The following TPRG1 variants were observed in gnomAD, a reference collection of about 807,000 sequenced individuals.
TPRG1 encodes tumor protein p63 regulated 1, also known as tumor protein p63-regulated gene 1 protein.
TPRG1 carries 29 observed loss-of-function variants against 29.3 expected under a neutral mutation model. The observed-to-expected ratio is 0.99, with a 90% CI of 0.74 to 1.35. The LOEUF is 1.35. Among genes scored for constraint, TPRG1 ranks in the 40% most tolerant of loss-of-function variants. The pLI is 0.00. For synonymous variants in TPRG1, 130 were observed against 116.8 expected (o/e 1.11, Z -0.73); for missense variants, 327 against 335.0 (o/e 0.98, Z 0.19).
chr3:189,048,301 A>G (rs1215971311), intron 4 of TPRG1, among the ~76,000 whole-genome samples: 2 of 152,232 alleles, frequency 1.3e-5, no homozygotes, highest in Admixed American at 6.5e-5. Flanking sequence ...TTTTCTGAGC[A>G]GTAGGTCTTA....
intron 4 of TPRG1, among the ~76,000 whole-genome samples, chr3:189,086,412 G>T (rs1717942382): frequency 6.6e-6 from 1 of 151,176 alleles, no homozygotes; most frequent in Admixed American, 6.6e-5. Context: ...AGGCTGCACT[G>T]CAGTGGCACA....
Position 189,270,734 on chromosome 3 carries a change from G to T in TPRG1, c.479+31825G>T, listed in dbSNP as rs563569876. ...TGTGACTTCAAATATCATCACTATC[G>T]GGTGCCATTATGTCCATTTGCAGCT... On this transcript the variant is annotated intron_variant, in intron 4 of 5. Coordinates refer to ENST00000345063, the MANE Select transcript of TPRG1 (RefSeq NM_198485.4). 8.5e-5 allele frequency among the ~76,000 whole-genome samples: 13 copies of T among 152,138 alleles called. No homozygotes were observed. In the South Asian group the frequency reaches 2.7e-3, roughly 32 times the overall value.
intron 3 of TPRG1, among the ~76,000 whole-genome samples, chr3:189,222,847 G>T (rs900892225): frequency 1.3e-4 from 20 of 152,134 alleles, no homozygotes; most frequent in Admixed American, 1.3e-3. Context: ...AATTTCCGGT[G>T]CTATCCCTTG....
intron 5 of TPRG1, among the ~76,000 whole-genome samples, chr3:189,311,847 AC>A (rs1722540877): frequency 6.6e-6 from 1 of 151,712 alleles, no homozygotes; most frequent in African/African-American, 2.4e-5. Context: ...AAACAAAACA[AC>A]CAATAAGAAC....
intron 3 of TPRG1, among the ~76,000 whole-genome samples, chr3:189,019,493 A>G (rs1180421267): frequency 3.9e-5 from 6 of 152,094 alleles, no homozygotes; most frequent in Non-Finnish European, 7.4e-5. Context: ...AGATAATCAT[A>G]TGGTTTTTGT....
intron 5 of TPRG1, among the ~76,000 whole-genome samples, chr3:189,318,946 G>A (rs1723966893): frequency 6.6e-6 from 1 of 152,092 alleles, no homozygotes; most frequent in Non-Finnish European, 1.5e-5. Context: ...ATGTTATAAA[G>A]AGAGGACTTC....
At chr3:189,126,021 A>T (rs950357755) in intron 1 of TPRG1, among the ~76,000 whole-genome samples, 2 of 152,190 alleles carry the variant, frequency 1.3e-5, no homozygotes, top group African/African-American at 4.8e-5. Context: ...TCTCCCTGCC[A>T]GCTCTATAAG....
At position 189,204,947 on chromosome 3, in the gene TPRG1, T is replaced by TCTCACACACA. The variant is rs766857963; in HGVS notation, c.-9-2428_-9-2427insTCACACACAC. Among the ~76,000 whole-genome samples, 1,104 of 147,160 alleles carry TCTCACACACA rather than the reference T, an allele frequency of 7.5e-3. 6 individuals carry two copies. Among genetic ancestry groups the TCTCACACACA allele is most frequent in the South Asian group, 0.023 (103 of 4,508 alleles). ...CTGTCTCTATGTCTCTCTCTCTCTC[T>TCTCACACACA]CACACACACACACACACACACACAC... is the stretch of plus-strand genomic sequence containing the variant. On this transcript the variant is annotated intron_variant, in intron 1 of 5. Coordinates refer to ENST00000345063, the MANE Select transcript of TPRG1 (RefSeq NM_198485.4).
At chr3:189,121,496 A>T (rs967259791) in intron 1 of TPRG1, 7 of 152,228 alleles carry the variant, frequency 4.6e-5, no homozygotes, top group Admixed American at 1.3e-4. Flanking sequence ...AGCAACTTGA[A>T]TCTTTGACTC....
At chr3:189,288,845 T>C (rs184157308) in intron 4 of TPRG1, among the ~76,000 whole-genome samples, 1 of 152,386 alleles carries the variant, frequency 6.6e-6, no homozygotes, top group East Asian at 1.9e-4. Flanking sequence ...TTGTGCCTAA[T>C]AATGTGAGTT....
At chr3:189,219,300 A>C (rs376196696) in intron 3 of TPRG1, among the ~76,000 whole-genome samples, 2 of 152,298 alleles carry the variant, frequency 1.3e-5, no homozygotes, top group African/African-American at 4.8e-5. Context: ...GACAAAGAAA[A>C]TAAACAGAGA....
At chr3:189,283,348 C>T (rs1005557715) in intron 4 of TPRG1, among the ~76,000 whole-genome samples, 1 of 152,152 alleles carries the variant, frequency 6.6e-6, no homozygotes, top group African/African-American at 2.4e-5. Context: ...ACTGGAAATG[C>T]CTCCTATGTG....
chr3:189,266,276 T>C lies in TPRG1; in HGVS notation c.479+27367T>C, dbSNP rs1015859558. Among the ~76,000 whole-genome samples, 5 of 152,222 alleles carry C rather than the reference T, an allele frequency of 3.3e-5. No individual in the cohort carries two copies. In the South Asian group the frequency reaches 1.0e-3, roughly 32 times the overall value. On this transcript the variant is annotated intron_variant, in intron 4 of 5. Transcript: ENST00000345063. ...CCTTTTACTTTCCAATTTGCTTTGC[T>C]TTGCTTTTATTAGGAAGATGTCAGT...
intron 3 of TPRG1, 77 bp from the exon 4 acceptor site, chr3:189,238,656 C>T: frequency 7.9e-7 from 1 of 1,272,992 alleles, no homozygotes; most frequent in Non-Finnish European, 1.1e-6. Flanking sequence ...GTTTTCTGTG[C>T]TAGGAGAGAT....
chr3:189,320,893 T>A lies in TPRG1; in HGVS notation c.*73T>A. ...GAAAATTCCAGTTTGACCCACGCTA[T>A]TTTTGGACTGAAACAATTAATTATT... On this transcript the variant is annotated 3_prime_UTR_variant, in exon 6 of 6. Transcript: ENST00000345063. The A allele has an allele frequency of 8.3e-7, 1 of 1,208,206 alleles. No homozygotes were observed. The highest frequency in any genetic ancestry group is 1.1e-6 in the Non-Finnish European group (1 of 899,606). 74.8% of individuals were successfully genotyped at this position (1,208,206 alleles called of 1,614,324 possible).
chr3:189,087,063 A>G (rs1056130529), intron 4 of TPRG1, among the ~76,000 whole-genome samples: 8 of 152,258 alleles, frequency 5.3e-5, no homozygotes, highest in African/African-American at 1.9e-4. Flanking sequence ...TTAGTTCTAG[A>G]TCCTTGAGGA....
At chr3:189,302,903 G>A (rs9863054) in intron 4 of TPRG1, among the ~76,000 whole-genome samples, 41,053 of 152,116 alleles carry the variant, frequency 0.27, 6,126 homozygotes, top group Middle Eastern at 0.35. Context: ...TAGAAAAAGA[G>A]CAGCTAAAGT....
chr3:189,309,123 T>A (rs1357882801), intron 4 of TPRG1, among the ~76,000 whole-genome samples: 1 of 151,104 alleles, frequency 6.6e-6, no homozygotes, highest in Non-Finnish European at 1.5e-5. Flanking sequence ...CAAAAAAAAG[T>A]TGGGTGTCAG....
At chr3:189,125,811 TTTTGTGTGTGTGTGTG>T (rs1722388316) in intron 1 of TPRG1, among the ~76,000 whole-genome samples, 1 of 129,076 alleles carries the variant, frequency 7.7e-6, no homozygotes, top group African/African-American at 3.0e-5. Flanking sequence ...CTGCAGGGTG[TTTTGTGTGTGTGTGTG>T]TGTGTGTGTG....
Sources: allele counts gnomAD v4.1 joint callset (sites outside exome capture counted in the v4.1 genomes callset), GRCh38; gene constraint gnomAD v4.1.1; transcripts MANE v1.5; gene names NCBI Gene and HGNC (gene_info 2026-07-23, HGNC 2026-07-21).